The following SNX13 variants were observed in gnomAD, a reference collection of about 807,000 sequenced individuals.
The protein encoded by SNX13 is sorting nexin-13.
Under a neutral mutation model 133.6 loss-of-function variants are expected in SNX13, and 45 were observed. The observed-to-expected ratio is 0.34, with a 90% CI of 0.27 to 0.43. The LOEUF is 0.43. SNX13 is among the 20% of genes least tolerant of loss of function. SNX13 has a pLI of 1.00. For synonymous variants in SNX13, 414 were observed against 373.9 expected, an observed-to-expected ratio of 1.11 and a Z score of -1.24; for missense variants, 1,032 against 1,145.1, an observed-to-expected ratio of 0.90 and a Z score of 1.43.
rs554619533 is a variant in SNX13, at chr7:17,913,816, C to G, written c.13-16370G>C. On this transcript the variant is annotated intron_variant, in intron 1 of 25. Coordinates refer to ENST00000428135, the MANE Select transcript of SNX13 (RefSeq NM_015132.5). Reference sequence around the variant, plus strand: ...ATCGGCTCCCTCAGATGAGAAGGAACCAGCACAAGAACTCCGACAATACAA... The same window carrying G: ...ATCGGCTCCCTCAGATGAGAAGGAAGCAGCACAAGAACTCCGACAATACAA... Among the ~76,000 whole-genome samples, 183 of 145,606 alleles carry G rather than the reference C, an allele frequency of 1.3e-3. 1 individual carries two copies. The highest frequency in any genetic ancestry group is 4.4e-3 in the African/African-American group (172 of 39,450).
intron 1 of SNX13, among the ~76,000 whole-genome samples, chr7:17,910,585 C>A (rs2691562): frequency 0.44 from 66,906 of 151,872 alleles, 15,141 homozygotes; most frequent in South Asian, 0.66. Context: ...ATAATTAAAA[C>A]CAGGTACTCA....
chr7:17,911,407 G>A (rs901715793), intron 1 of SNX13, among the ~76,000 whole-genome samples: 3 of 152,208 alleles, frequency 2.0e-5, no homozygotes, highest in African/African-American at 7.2e-5. Flanking sequence ...GGGAGGCTAA[G>A]GCAGGCAGAT....
chr7:17,936,018 G>C (rs748354199), intron 1 of SNX13, among the ~76,000 whole-genome samples: 142 of 152,180 alleles, frequency 9.3e-4, no homozygotes, highest in Non-Finnish European at 1.7e-3. Context: ...GTGTTCAAAA[G>C]GACCCCTGGA....
chr7:17,800,948 T>C (rs1784541516), intron 22 of SNX13, among the ~76,000 whole-genome samples: 1 of 108,922 alleles, frequency 9.2e-6, no homozygotes, highest in Non-Finnish European at 2.0e-5. Flanking sequence ...GTACTGTTGA[T>C]GGCAATGTAA....
At chr7:17,845,735 C>T (rs1214881161) in intron 11 of SNX13, 41 bp from the exon 12 acceptor site, 7 of 1,330,820 alleles carry the variant, frequency 5.3e-6, no homozygotes, top group Middle Eastern at 1.8e-4. Context: ...TTTATCTAAT[C>T]ATTCATTGTT....
At chr7:17,795,935 G>T (rs1372449523) in intron 25 of SNX13, 1 of 151,674 alleles carries the variant, frequency 6.6e-6, no homozygotes, top group Non-Finnish European at 1.5e-5. Context: ...ATTGACAGAA[G>T]AGAAGGCTGG....
At position 17,876,038 on chromosome 7, in the gene SNX13, G is replaced by T. The variant is rs28429976; in HGVS notation, c.441-248C>A. On this transcript the variant is annotated intron_variant, in intron 5 of 25. Coordinates refer to ENST00000428135, the MANE Select transcript of SNX13 (RefSeq NM_015132.5). ...CCAAAGCTTAAAACTACTATCTAAA[G>T]GTTTAAAATAGAAAAAGAAATTAAT... 2.4e-3 allele frequency among the ~76,000 whole-genome samples: 370 copies of T among 152,142 alleles called. No individual in the cohort carries two copies. The highest frequency in any genetic ancestry group is 8.6e-3 in the African/African-American group (357 of 41,498).
chr7:17,875,410 T>G, intron 7 of SNX13, 70 bp downstream of exon 7: 1 of 1,281,710 alleles, frequency 7.8e-7, no homozygotes, highest in Non-Finnish European at 1.1e-6. Context: ...ACCCTTAGAT[T>G]TTTTCACTGG....
intron 9 of SNX13, among the ~76,000 whole-genome samples, chr7:17,863,953 G>T (rs1793058909): frequency 6.6e-6 from 1 of 152,214 alleles, no homozygotes; most frequent in Non-Finnish European, 1.5e-5. Flanking sequence ...AAGAGTCACA[G>T]TATTCCTGGG....
Position 17,805,250 on chromosome 7 carries a change from T to TGTGTGTGTGTGCGC in SNX13, c.2065-1671_2065-1670insGCGCACACACACAC. 5.3e-3 allele frequency among the ~76,000 whole-genome samples: 505 copies of TGTGTGTGTGTGCGC among 95,548 alleles called. 8 individuals carry two copies. The highest frequency in any genetic ancestry group is 0.026 in the South Asian group (85 of 3,288). The allele number at this position is 95,548 out of a possible 152,430, so 62.7% of individuals were successfully genotyped here. On this transcript the variant is annotated intron_variant, in intron 20 of 25. Transcript: ENST00000428135. The stretch of plus-strand genomic sequence containing the variant: ...GTGTGTGTGTGTGTGTGTGTGTGTG[T>TGTGTGTGTGTGCGC]GCGTGCGCGCGCGCGCATGCATGCA...
At chr7:17,798,872 AAC>A in intron 23 of SNX13, 114 bp from the exon 24 acceptor site, 1 of 1,223,116 alleles carries the variant, frequency 8.2e-7, no homozygotes, top group Non-Finnish European at 1.2e-6. Flanking sequence ...CCCTGAGAGC[AAC>A]AGACTGCTTT....
Position 17,850,836 on chromosome 7 carries a change from T to C in SNX13, c.966A>G (p.Thr322=), listed in dbSNP as rs557859488. 1.9e-6 allele frequency: 3 copies of C among 1,583,192 alleles called. No homozygotes were observed. In the African/African-American group the frequency reaches 4.1e-5, roughly 22 times the overall value. ...EELQYLRSLD[T]AGDDINTIKN... is the part of the protein sequence containing the mutation. Reference sequence around the variant, plus strand: ...AAATACATTACTTACCATCACCAGCTGTATCTAGAGATCTAAGATACTGTA... The same window carrying C: ...AAATACATTACTTACCATCACCAGCCGTATCTAGAGATCTAAGATACTGTA... The change falls in exon 10 of 26, where the codon ACA becomes ACG. Residue 322 remains threonine (T), a synonymous_variant. Transcript: ENST00000428135.
chr7:17,923,670 C>T (rs1800390665), intron 1 of SNX13, among the ~76,000 whole-genome samples: 1 of 152,104 alleles, frequency 6.6e-6, no homozygotes, highest in Admixed American at 6.6e-5. Context: ...AAACAGATCA[C>T]ATATGCAGGG....
At chr7:17,802,781 T>A (rs903411273) in intron 21 of SNX13, among the ~76,000 whole-genome samples, 1 of 152,190 alleles carries the variant, frequency 6.6e-6, no homozygotes, top group South Asian at 2.1e-4. Context: ...ATATGTTTTA[T>A]AGCCTTGATT....
At position 17,798,717 on chromosome 7, in the gene SNX13, T is replaced by A; in HGVS notation, c.2486A>T (p.Gln829Leu). 2 of 1,575,790 alleles carry A rather than the reference T, an allele frequency of 1.3e-6. No homozygotes were observed. The highest frequency in any genetic ancestry group is 1.7e-6 in the Non-Finnish European group (2 of 1,163,572). ...DHVDWMTSPE[Q>L]VADSVKRFRD... ...GAAACGTTTCACTGAGTCGGCTACT[T>A]GTTCAGGTGAAGTCATCCAGTCAAC... is the stretch of plus-strand genomic sequence containing the variant. Residue 829 changes from glutamine (Q) to leucine (L), a missense_variant, in exon 24 of 26, where the codon CAA (glutamine) becomes CTA (leucine). Coordinates refer to ENST00000428135, the MANE Select transcript of SNX13 (RefSeq NM_015132.5).
chr7:17,861,772 G>A (rs1395914566), intron 9 of SNX13, among the ~76,000 whole-genome samples: 2 of 152,220 alleles, frequency 1.3e-5, no homozygotes, highest in African/African-American at 2.4e-5. Context: ...GATGCAAGAT[G>A]CCAGAAGTGG....
chr7:17,829,902 A>G (rs1299155500), intron 16 of SNX13, 108 bp downstream of exon 16: 15 of 707,750 alleles, frequency 2.1e-5, no homozygotes, highest in Non-Finnish European at 3.3e-5. Context: ...ACAATACTAA[A>G]GGATGATTTG....
rs143044773 is a variant in SNX13, at chr7:17,844,400, G to C, written c.1165+1195C>G. Among the ~76,000 whole-genome samples, 714 of 152,090 alleles carry C rather than the reference G, an allele frequency of 4.7e-3. 5 individuals carry two copies. The highest frequency in any genetic ancestry group is 0.016 in the African/African-American group (657 of 41,522). Reference sequence around the variant, plus strand: ...AGACTGATAACGTAGTAAGGAGAATGAATCAGTAACCAAAAATCGTCAATA... The same window carrying C: ...AGACTGATAACGTAGTAAGGAGAATCAATCAGTAACCAAAAATCGTCAATA... On this transcript the variant is annotated intron_variant, in intron 12 of 25. Transcript: ENST00000428135.
At chr7:17,869,306 C>G (rs185387901) in intron 8 of SNX13, among the ~76,000 whole-genome samples, 4 of 152,018 alleles carry the variant, frequency 2.6e-5, no homozygotes, top group African/African-American at 9.7e-5. Flanking sequence ...ATTATTTATT[C>G]TCAAAAATAT....
Sources: allele counts gnomAD v4.1 joint callset (sites outside exome capture counted in the v4.1 genomes callset), GRCh38; gene constraint gnomAD v4.1.1; transcripts MANE v1.5; gene names NCBI Gene and HGNC (gene_info 2026-07-23, HGNC 2026-07-21).